The following MYT1L variants were observed in gnomAD, a reference collection of about 807,000 sequenced individuals.
The protein encoded by MYT1L is myelin transcription factor 1 like.
In MYT1L, 12 loss-of-function variants were observed where a neutral mutation model predicts 126.7. That is an observed-to-expected ratio of 0.09 (90% confidence interval 0.06 to 0.15). The LOEUF (loss-of-function observed/expected upper bound fraction) is 0.15. MYT1L is among the 10% of genes least tolerant of loss of function. The probability of loss-of-function intolerance (pLI) is 1.00; values close to 1 mark genes in which losing one functional copy is unlikely to be tolerated. For synonymous variants in MYT1L, 541 were observed against 604.2 expected, an observed-to-expected ratio of 0.90 and a Z score of 1.53; for missense variants, 979 against 1,585.2, an observed-to-expected ratio of 0.62 and a Z score of 6.49.
intron 4 of MYT1L, among the ~76,000 whole-genome samples, chr2:2,018,663 C>T (rs1291543903): frequency 1.3e-5 from 2 of 152,166 alleles, no homozygotes; most frequent in Admixed American, 6.5e-5. Flanking sequence ...ACCCTCAAAC[C>T]CTCAGGAAGT....
chr2:2,328,447 C>T (rs1466617378), intron 1 of MYT1L, among the ~76,000 whole-genome samples: 1 of 152,138 alleles, frequency 6.6e-6, no homozygotes, highest in African/African-American at 2.4e-5. Flanking sequence ...TTTTATAACC[C>T]CGAAGAAGAC....
chr2:1,880,849 T>G (rs1367476734), intron 18 of MYT1L, among the ~76,000 whole-genome samples: 1 of 152,256 alleles, frequency 6.6e-6, no homozygotes, highest in Non-Finnish European at 1.5e-5. Flanking sequence ...CTCCTTGTAT[T>G]ACCCAAGTCT....
chr2:1,863,771 ATAGT>A (rs773803164), intron 18 of MYT1L, among the ~76,000 whole-genome samples: 78 of 150,632 alleles, frequency 5.2e-4, no homozygotes, highest in Non-Finnish European at 9.6e-4. Flanking sequence ...ATTTGGGGGG[ATAGT>A]TAGCTCAGAG....
intron 3 of MYT1L, among the ~76,000 whole-genome samples, chr2:2,108,436 C>G (rs2150550062): frequency 6.6e-6 from 1 of 152,320 alleles, no homozygotes; most frequent in African/African-American, 2.4e-5. Context: ...CATCCTAACA[C>G]CTTGTCTGCT....
Position 1,877,945 on chromosome 2 carries a change from T to C in MYT1L, c.2711+8594A>G, listed in dbSNP as rs565826464. 2.6e-5 allele frequency among the ~76,000 whole-genome samples: 4 copies of C among 152,252 alleles called. No individual in the cohort carries two copies. In the South Asian group the frequency reaches 6.2e-4, roughly 24 times the overall value. ...TGCATCAGCAAGCTTGGGAGAGAAATATCGAAGATACAGGTGGAAACAGGC... is the reference window on the plus strand; with the variant it reads ...TGCATCAGCAAGCTTGGGAGAGAAACATCGAAGATACAGGTGGAAACAGGC... On this transcript the variant is annotated intron_variant, in intron 18 of 24. Coordinates refer to ENST00000647738, the MANE Select transcript of MYT1L (RefSeq NM_001303052.2).
intron 14 of MYT1L, among the ~76,000 whole-genome samples, chr2:1,894,548 T>C (rs528998867): frequency 1.2e-3 from 175 of 151,856 alleles, no homozygotes; most frequent in African/African-American, 4.1e-3. Flanking sequence ...AATAATAATA[T>C]GGGGTTTTGT....
At chr2:2,118,971 C>T (rs1253601558) in intron 3 of MYT1L, among the ~76,000 whole-genome samples, 1 of 152,256 alleles carries the variant, frequency 6.6e-6, no homozygotes, top group Non-Finnish European at 1.5e-5. Flanking sequence ...TGCGCCAGGG[C>T]GCATGGTTGC....
chr2:2,041,679 G>A (rs1333018537), intron 4 of MYT1L, among the ~76,000 whole-genome samples: 1 of 152,142 alleles, frequency 6.6e-6, no homozygotes, highest in East Asian at 1.9e-4. Context: ...GCTCACCGGA[G>A]GCAAATTTCT....
chr2:1,893,290 T>C (rs2049161015), intron 14 of MYT1L, among the ~76,000 whole-genome samples: 1 of 152,254 alleles, frequency 6.6e-6, no homozygotes, highest in African/African-American at 2.4e-5. Context: ...AGGACTTCAT[T>C]TGTGCATGGC....
rs6755359 is a variant in MYT1L at position 1,820,174 on chromosome 2, C to T, written c.3081-11007G>A. The stretch of plus-strand genomic sequence containing the variant: ...GGGCTTGGTCACCCATTGGATGGGG[C>T]TTGCTGCTTTTGCATTCCAAATTGA... On this transcript the variant is annotated intron_variant, in intron 21 of 24. Transcript: ENST00000647738. Among the ~76,000 whole-genome samples the T allele has an allele frequency of 8.3e-3, 1,270 of 152,286 alleles. 16 individuals are homozygous for T. Among genetic ancestry groups the T allele is most frequent in the African/African-American group, 0.029 (1,211 of 41,550 alleles).
intron 3 of MYT1L, among the ~76,000 whole-genome samples, chr2:2,105,050 TTCC>T (rs1263968041): frequency 6.6e-6 from 1 of 152,200 alleles, no homozygotes; most frequent in Non-Finnish European, 1.5e-5. Flanking sequence ...AGCTACTAAT[TTCC>T]TCGTGTTCTG....
intron 3 of MYT1L, among the ~76,000 whole-genome samples, chr2:2,130,021 A>C (rs1051177609): frequency 7.2e-5 from 11 of 152,180 alleles, no homozygotes; most frequent in Non-Finnish European, 1.5e-4. Context: ...ACGTGGGAAA[A>C]GGCACCATAG....
chr2:2,296,159 T>C (rs1033466240), intron 1 of MYT1L, among the ~76,000 whole-genome samples: 1 of 152,128 alleles, frequency 6.6e-6, no homozygotes, highest in Non-Finnish European at 1.5e-5. Context: ...CCCTGGGTGG[T>C]TGAGAAGCTT....
rs1209075459 is a variant in MYT1L at position 1,802,121 on chromosome 2, G to A, written c.3173-322C>T. Among the ~76,000 whole-genome samples the A allele has an allele frequency of 2.0e-5, 3 of 152,134 alleles. No individual in the cohort carries two copies. The South Asian group carries it at 6.2e-4, about 31-fold the overall frequency. On this transcript the variant is annotated intron_variant, in intron 22 of 24. Coordinates refer to ENST00000647738, the MANE Select transcript of MYT1L (RefSeq NM_001303052.2). ...CGAGGCAGAAACCACCTGGTCCTGA[G>A]TGCCGATTTGCTGAGCCTGGCCTGT...
chr2:2,247,579 T>C (rs1572821655), intron 2 of MYT1L, among the ~76,000 whole-genome samples: 1 of 152,196 alleles, frequency 6.6e-6, no homozygotes, highest in Non-Finnish European at 1.5e-5. Context: ...GAATACACAT[T>C]ATTTTCTTCA....
Position 1,892,169 on chromosome 2 carries a change from C to G in MYT1L, c.2151G>C (p.Lys717Asn), listed in dbSNP as rs1208278831. 6.5e-7 allele frequency: 1 copy of G among 1,549,410 alleles called. No homozygotes were observed. The stretch of plus-strand genomic sequence containing the variant: ...TGTCGTGCGTGTAGTCGAAGCTGCT[C>G]TTGCTGCACGTGCTGCTGGCGCTGC... ...GGSSASSTCS[K>N]SSFDYTHDME... is the part of the protein sequence containing the mutation. Residue 717 changes from lysine to asparagine, a missense_variant, in exon 15 of 25, where the codon AAG becomes AAC. Lys to Asn is a moderately conservative substitution (Grantham distance 94). Around this residue, in one of 12 missense-constraint regions of MYT1L, gnomAD observed 28 missense variants for 66.6 expected, o/e 0.42. Coordinates refer to ENST00000647738, the MANE Select transcript of MYT1L (RefSeq NM_001303052.2).
intron 4 of MYT1L, among the ~76,000 whole-genome samples, chr2:2,025,318 C>T (rs1172028816): frequency 1.3e-5 from 2 of 152,188 alleles, no homozygotes; most frequent in Non-Finnish European, 2.9e-5. Flanking sequence ...TACACATAGC[C>T]TCCTGGTCTG....
chr2:2,237,713 T>C (rs2094352375), intron 2 of MYT1L, among the ~76,000 whole-genome samples: 1 of 152,022 alleles, frequency 6.6e-6, no homozygotes, highest in African/African-American at 2.4e-5. Context: ...AGCCCCTGGA[T>C]TGGGAATGTC....
At chr2:2,016,254 C>T (rs2064375992) in intron 4 of MYT1L, among the ~76,000 whole-genome samples, 1 of 152,082 alleles carries the variant, frequency 6.6e-6, no homozygotes, top group Non-Finnish European at 1.5e-5. Flanking sequence ...ACGTGATATG[C>T]CAGGGGAGAG....
Sources: gnomAD v4.1 joint callset for allele counts (sites outside exome capture counted in the v4.1 genomes callset) on GRCh38, gnomAD v4.1.1 for gene constraint, gnomAD v4.1.1 regional missense constraint, MANE v1.5 for transcripts, NCBI Gene and HGNC (gene_info 2026-07-23, HGNC 2026-07-21) for gene names.